Variants in SYCE1L observed in about 807,000 individuals in gnomAD.
The protein encoded by SYCE1L is synaptonemal complex central element protein 1 like, also known as synaptonemal complex central element protein 1-like.
A neutral mutation model predicts 39.6 loss-of-function variants in SYCE1L; 51 were observed. The ratio of observed to expected loss-of-function variants is 1.29; its 90% confidence interval spans 1.03 to 1.63. SYCE1L has a LOEUF of 1.63. Ranked by LOEUF, SYCE1L falls within the 40% of genes most tolerant of loss-of-function variation. The pLI, the probability that SYCE1L is intolerant of heterozygous loss-of-function variation, is 0.00. For synonymous variants in SYCE1L, 147 were observed against 122.4 expected (o/e 1.20, Z -1.33); for missense variants, 426 against 304.9 (o/e 1.40, Z -2.96).
chr16:77,209,302 C>T, intron 5 of SYCE1L, 115 bp from the exon 6 acceptor site: 1 of 1,347,526 alleles, frequency 7.4e-7, no homozygotes, highest in Non-Finnish European at 1.0e-6. Flanking sequence ...TTGGAGTAAA[C>T]ACCCAAGTCC....
intron 1 of SYCE1L, chr16:77,201,751 T>C (rs2054745674): frequency 1.3e-5 from 2 of 152,156 alleles, no homozygotes. Flanking sequence ...TGGATTTCTT[T>C]TTAAGAGGCA....
At chr16:77,207,071 G>A (rs9930814) in intron 2 of SYCE1L, among the ~76,000 whole-genome samples, 68,012 of 151,812 alleles carry the variant, frequency 0.45, 16,591 homozygotes, top group Non-Finnish European at 0.56. Flanking sequence ...TGCAGAAGAA[G>A]TGCACTGGGA....
intron 5 of SYCE1L, 36 bp from the exon 6 acceptor site, chr16:77,209,381 A>G: frequency 1.3e-6 from 2 of 1,550,612 alleles, no homozygotes; most frequent in South Asian, 1.2e-5. Flanking sequence ...ACTCCCCAAG[A>G]GCTCTCAAAG....
rs1449337364 is a variant in SYCE1L at position 77,209,004 on chromosome 16, C to CTACA, written c.257-92_257-89dup. 3.6e-6 allele frequency: 5 copies of CTACA among 1,380,026 alleles called. No individual in the cohort carries two copies. In the African/African-American group the frequency reaches 5.7e-5, roughly 16 times the overall value. The allele number at this position is 1,380,026 out of a possible 1,614,324, so 85.5% of individuals were successfully genotyped here. ...ATACCTCACCTCTCCTAGGGCTGTA[C>CTACA]TACACCTTCTGTGTGGCTTTCCCCT... On this transcript the variant is annotated intron_variant, in intron 4 of 10. Transcript: ENST00000378644.
In SYCE1L at chr16:77,212,178, A is replaced by T. The variant is rs1360702984; in HGVS notation, c.472A>T (p.Lys158Ter). 69 of 1,548,938 alleles carry T rather than the reference A, an allele frequency of 4.5e-5. No individual in the cohort carries two copies. The highest frequency in any genetic ancestry group is 1.9e-4 in the Middle Eastern group (1 of 5,364). Residue 158 changes from lysine to a stop codon, truncating the protein, a stop_gained, in exon 8 of 11, where the codon AAG becomes TAG. Transcript: ENST00000378644. LOFTEE classifies it high-confidence loss of function. ...AREIRALERS[K>*]EQLLSERRLV... is the part of the protein sequence containing the mutation. ...GGAGATCCGTGCCCTGGAGAGAAGC[A>T]AGGAGCAGCTGCTCTCGGAGAGTGA... is the stretch of plus-strand genomic sequence containing the variant.
intron 1 of SYCE1L, chr16:77,202,053 CT>C (rs2054749064): frequency 6.6e-6 from 1 of 152,004 alleles, no homozygotes; most frequent in Non-Finnish European, 1.5e-5. Context: ...ATTTATTGTT[CT>C]ATTTTTTCTT....
rs931350672 is a variant in SYCE1L at position 77,208,432 on chromosome 16, C to T, written c.182-33C>T. 8 of 1,551,192 alleles carry T rather than the reference C, an allele frequency of 5.2e-6. No individual in the cohort carries two copies. In the African/African-American group the frequency reaches 1.1e-4, roughly 21 times the overall value. ...GAGAACAGCAAGGCTAGAGACTACA[C>T]TCATACAGTGTCTTTTTCCCTTCTT... On this transcript the variant is annotated intron_variant, in intron 3 of 10. Coordinates refer to ENST00000378644, the MANE Select transcript of SYCE1L (RefSeq NM_001129979.3).
In SYCE1L at chr16:77,208,200, C is replaced by G. The variant is rs2054798708; in HGVS notation, c.122-10C>G. 6.4e-7 allele frequency: 1 copy of G among 1,550,810 alleles called. No individual in the cohort carries two copies. The highest frequency in any genetic ancestry group is 1.4e-5 in the African/African-American group (1 of 72,974). On this transcript the variant is annotated splice_polypyrimidine_tract_variant and intron_variant, in intron 2 of 10. Coordinates refer to ENST00000378644, the MANE Select transcript of SYCE1L (RefSeq NM_001129979.3). ...TCTCTGGCTCACTCTTTCTTCCTTT[C>G]TTTCTTCAGAGGGAAGCCTGGAGCC...
chr16:77,213,111 G>C lies in SYCE1L; in HGVS notation c.*180G>C, dbSNP rs1423104172. The stretch of plus-strand genomic sequence containing the variant: ...ACCCCTCCCACCAGTCGAGCCCCGG[G>C]CGCCGTACAGAGGCTGGGTAAATGC... On this transcript the variant is annotated 3_prime_UTR_variant, in exon 11 of 11. Transcript: ENST00000378644. 2.0e-5 allele frequency: 11 copies of C among 554,962 alleles called. No homozygotes were observed. The highest frequency in any genetic ancestry group is 1.4e-4 in the East Asian group (4 of 29,258). 34.4% of individuals were successfully genotyped at this position (554,962 alleles called of 1,614,324 possible).
chr16:77,200,274 G>GTGTATATATATATATATATATATATA (rs1254014728), intron 1 of SYCE1L: 1 of 113,580 alleles, frequency 8.8e-6, no homozygotes, highest in African/African-American at 3.5e-5. Flanking sequence ...ATATATATGT[G>GTGTATATATATATATATATATATATA]TATATATATA....
intron 5 of SYCE1L, 89 bp from the exon 6 acceptor site, chr16:77,209,328 A>T: frequency 6.9e-7 from 1 of 1,442,572 alleles, no homozygotes; most frequent in South Asian, 1.2e-5. Flanking sequence ...GTGCCCTCCA[A>T]TGCCTGACAT....
intron 9 of SYCE1L, 92 bp from the exon 10 acceptor site, chr16:77,212,482 G>C (rs1245925581): frequency 1.6e-5 from 25 of 1,538,470 alleles, no homozygotes; most frequent in Non-Finnish European, 2.2e-5. Flanking sequence ...TGCCTCCCTC[G>C]GCGTCGTCGG....
chr16:77,212,098 C>A (rs1597039373), intron 7 of SYCE1L, 32 bp from the exon 8 acceptor site: 5 of 1,539,126 alleles, frequency 3.2e-6, no homozygotes, highest in Non-Finnish European at 3.5e-6. Context: ...AGAGGACGGC[C>A]AAACGGGGAG....
chr16:77,205,374 T>A (rs1337234451), intron 1 of SYCE1L, among the ~76,000 whole-genome samples: 3 of 149,908 alleles, frequency 2.0e-5, no homozygotes, highest in Non-Finnish European at 4.4e-5. Flanking sequence ...TTTCCTGTGG[T>A]TTTTCTTCTT....
chr16:77,199,591 T>C lies in SYCE1L; in HGVS notation c.61+79T>C, dbSNP rs145052441. 104 of 1,107,630 alleles carry C rather than the reference T, an allele frequency of 9.4e-5. No homozygotes were observed. The Admixed American group carries it at 2.2e-3, about 24-fold the overall frequency. The allele number at this position is 1,107,630 out of a possible 1,614,324, so 68.6% of individuals were successfully genotyped here. A position where few individuals can be genotyped will look rare whatever the true frequency, so the allele number is the denominator to read the frequency against. On this transcript the variant is annotated intron_variant, in intron 1 of 10. Transcript: ENST00000378644. ...GGGAGGATTCGTCCCATTACAATAA[T>C]GAAATAATGATATTCTAATTTTTTT...
chr16:77,206,463 T>G lies in SYCE1L; in HGVS notation c.84T>G (p.Thr28=). 6.4e-7 allele frequency: 1 copy of G among 1,551,766 alleles called. No homozygotes were observed. The highest frequency in any genetic ancestry group is 8.7e-7 in the Non-Finnish European group (1 of 1,147,006). The change falls in exon 2 of 11, where the codon ACT becomes ACG. Residue 28 remains threonine, a synonymous_variant. Coordinates refer to ENST00000378644, the MANE Select transcript of SYCE1L (RefSeq NM_001129979.3). ...EAEGQAKSLK[T]EDLLAMVIKL... ...CAGGGCAAGCCAAGTCTTTGAAGAC[T>G]GAAGACTTGCTGGCAATGGTGATAA...
intron 7 of SYCE1L, among the ~76,000 whole-genome samples, chr16:77,211,862 A>G (rs1463575222): frequency 6.6e-6 from 1 of 152,054 alleles, no homozygotes; most frequent in East Asian, 1.9e-4. Context: ...GGTGCCTGAA[A>G]CCGTTGAGGA....
At chr16:77,211,402 G>C in intron 7 of SYCE1L, 126 bp downstream of exon 7, 4 of 1,142,960 alleles carry the variant, frequency 3.5e-6, no homozygotes, top group Non-Finnish European at 5.1e-6. Context: ...CCTTGCTTCC[G>C]CTTGCCCACC....
intron 7 of SYCE1L, 38 bp from the exon 8 acceptor site, chr16:77,212,092 G>A (rs889180836): frequency 5.9e-6 from 9 of 1,536,464 alleles, no homozygotes; most frequent in Non-Finnish European, 7.9e-6. Context: ...TAGCCAAGAG[G>A]ACGGCCAAAC....
Sources: gnomAD v4.1 joint callset for allele counts (sites outside exome capture counted in the v4.1 genomes callset) on GRCh38, gnomAD v4.1.1 for gene constraint, MANE v1.5 for transcripts, NCBI Gene and HGNC (gene_info 2026-07-23, HGNC 2026-07-21) for gene names.